Variants in CADPS observed in about 807,000 individuals in gnomAD.
The protein encoded by CADPS is calcium-dependent secretion activator 1.
Under a neutral mutation model 167.3 loss-of-function variants are expected in CADPS, and 57 were observed. The ratio of observed to expected loss-of-function variants is 0.34; its 90% CI spans 0.28 to 0.42. The LOEUF (loss-of-function observed/expected upper bound fraction) is 0.42, where lower values mean the gene tolerates loss of function less well. CADPS is among the 20% of genes least tolerant of loss of function. The probability of loss-of-function intolerance (pLI) is 1.00; values close to 1 mark genes in which losing one functional copy is unlikely to be tolerated. For missense variants in CADPS, 1,414 were observed against 1,738.1 expected (o/e 0.81, Z 3.32); for synonymous variants, 676 against 635.3 (o/e 1.06, Z -0.96).
rs181770878 is a variant in CADPS, at chr3:62,636,850, C to T, written c.1325+8872G>A. Among the ~76,000 whole-genome samples the T allele has an allele frequency of 6.2e-4, 94 of 152,116 alleles. No individual in the cohort carries two copies. The Middle Eastern group carries it at 0.01, about 17-fold the overall frequency. On this transcript the variant is annotated intron_variant, in intron 6 of 29. Transcript: ENST00000383710. ...AGAACTAGTTCTTTTATCATCAAAT[C>T]GAAGGCAGTCCACCCTCAGAATATG...
chr3:62,426,827 G>T (rs915038068), intron 28 of CADPS, among the ~76,000 whole-genome samples: 1 of 151,806 alleles, frequency 6.6e-6, no homozygotes, highest in Admixed American at 6.6e-5. Flanking sequence ...CAGCACTTTG[G>T]GAGGCCGAGG....
At chr3:62,751,840 G>A (rs138172039) in intron 3 of CADPS, among the ~76,000 whole-genome samples, 90 of 151,978 alleles carry the variant, frequency 5.9e-4, no homozygotes, top group Non-Finnish European at 9.6e-4. Context: ...AAAATGAGTC[G>A]GATTAATTCA....
At chr3:62,434,357 G>A (rs924628906) in intron 28 of CADPS, among the ~76,000 whole-genome samples, 1 of 152,112 alleles carries the variant, frequency 6.6e-6, no homozygotes, top group Non-Finnish European at 1.5e-5. Flanking sequence ...TCAGCACTTT[G>A]TCTTGGATTG....
intron 16 of CADPS, chr3:62,513,612 A>C: frequency 7.0e-7 from 1 of 1,426,120 alleles, no homozygotes; most frequent in Non-Finnish European, 9.8e-7. Flanking sequence ...TGAAGACAGC[A>C]TGGTGAGGAG....
intron 8 of CADPS, among the ~76,000 whole-genome samples, chr3:62,572,765 A>G (rs1378122266): frequency 6.6e-6 from 1 of 152,224 alleles, no homozygotes; most frequent in Non-Finnish European, 1.5e-5. Flanking sequence ...CTCAGTATCT[A>G]CAGGGAATTG....
chr3:62,716,394 G>C (rs1052369289), intron 3 of CADPS, among the ~76,000 whole-genome samples: 4 of 152,164 alleles, frequency 2.6e-5, no homozygotes, highest in African/African-American at 9.7e-5. Flanking sequence ...TGGTAGAAAA[G>C]TTTCTGGAAA....
chr3:62,467,111 C>G (rs1312724702), intron 24 of CADPS, among the ~76,000 whole-genome samples: 1 of 151,978 alleles, frequency 6.6e-6, no homozygotes, highest in Non-Finnish European at 1.5e-5. Flanking sequence ...GAAGACAAAC[C>G]CCCACACAAA....
chr3:62,530,777 G>A, intron 13 of CADPS: 1 of 1,286,816 alleles, frequency 7.8e-7, no homozygotes. Context: ...GTCTGTATTT[G>A]GTGGCAGCCC....
intron 6 of CADPS, among the ~76,000 whole-genome samples, chr3:62,627,416 T>C (rs930369920): frequency 1.3e-5 from 2 of 152,110 alleles, no homozygotes; most frequent in Admixed American, 6.6e-5. Context: ...TAAATCCCCA[T>C]GGGCAAGCTG....
chr3:62,513,512 C>G (rs571304355), intron 16 of CADPS: 2 of 636,786 alleles, frequency 3.1e-6, no homozygotes, highest in East Asian at 2.8e-5. Context: ...CAGACAGAAC[C>G]AACAGACAAG....
intron 11 of CADPS, among the ~76,000 whole-genome samples, chr3:62,543,374 G>A (rs959125913): frequency 1.2e-4 from 18 of 152,144 alleles, no homozygotes; most frequent in Admixed American, 3.3e-4. Flanking sequence ...ATAGCAATGC[G>A]TTGTTGTGCA....
intron 6 of CADPS, among the ~76,000 whole-genome samples, chr3:62,603,196 A>C (rs549910393): frequency 6.6e-6 from 1 of 152,228 alleles, no homozygotes. Context: ...GAGCACACTC[A>C]ATAGGCATTT....
intron 11 of CADPS, among the ~76,000 whole-genome samples, chr3:62,539,543 G>A (rs2075339262): frequency 1.3e-5 from 2 of 151,858 alleles, no homozygotes; most frequent in South Asian, 4.2e-4. Context: ...AAAAGAAGGA[G>A]GAGTAAGCCA....
intron 28 of CADPS, among the ~76,000 whole-genome samples, chr3:62,434,491 T>G (rs1046743319): frequency 6.6e-6 from 1 of 152,172 alleles, no homozygotes; most frequent in Non-Finnish European, 1.5e-5. Flanking sequence ...TTAGGCAACA[T>G]TATGTCCAAA....
At chr3:62,757,055 A>T (rs1345089228) in intron 2 of CADPS, among the ~76,000 whole-genome samples, 1 of 152,198 alleles carries the variant, frequency 6.6e-6, no homozygotes, top group African/African-American at 2.4e-5. Context: ...GGGAGCCAAG[A>T]AAATAGGCAG....
chr3:62,744,352 T>C (rs140028958), intron 3 of CADPS, among the ~76,000 whole-genome samples: 32 of 149,192 alleles, frequency 2.1e-4, no homozygotes, highest in African/African-American at 7.3e-4. Context: ...ATTTTATTCA[T>C]ATTTTCAAAA....
intron 10 of CADPS, among the ~76,000 whole-genome samples, chr3:62,551,574 C>G (rs984083208): frequency 6.6e-6 from 1 of 152,178 alleles, no homozygotes; most frequent in Admixed American, 6.5e-5. Flanking sequence ...GCCAGCAGTT[C>G]CACGTTCCAC....
intron 16 of CADPS, chr3:62,513,619 G>A (rs777480850): frequency 1.3e-4 from 196 of 1,479,032 alleles, no homozygotes; most frequent in Middle Eastern, 1.7e-4. Flanking sequence ...AGCATGGTGA[G>A]GAGGTGGTAG....
chr3:62,822,329 T>C (rs939066092), intron 1 of CADPS, among the ~76,000 whole-genome samples: 5 of 152,190 alleles, frequency 3.3e-5, no homozygotes, highest in African/African-American at 1.2e-4. Flanking sequence ...TAATTACTTA[T>C]TAAACATTTT....
Sources: allele counts gnomAD v4.1 joint callset (sites outside exome capture counted in the v4.1 genomes callset), GRCh38; gene constraint gnomAD v4.1.1; transcripts MANE v1.5; gene names NCBI Gene and HGNC (gene_info 2026-07-23, HGNC 2026-07-21).